SRR: variants seen among roughly 807,000 people sequenced by gnomAD.
SRR encodes serine racemase, also known as D-serine ammonia-lyase.
SRR carries 19 observed loss-of-function variants against 32.7 expected under a neutral mutation model. That is an observed-to-expected ratio of 0.58 (90% confidence interval 0.40 to 0.85). The LOEUF (loss-of-function observed/expected upper bound fraction) is 0.85, where lower values mean the gene tolerates loss of function less well. Among genes scored for constraint, SRR ranks in the 40% least tolerant of loss-of-function variants. The pLI is 0.00. For synonymous variants in SRR, 142 were observed against 140.9 expected (o/e 1.01, Z -0.06); for missense variants, 373 against 404.7 (o/e 0.92, Z 0.67).
intron 2 of SRR, 105 bp downstream of exon 2, chr17:2,315,833 C>A: frequency 9.1e-7 from 1 of 1,096,854 alleles, no homozygotes; most frequent in Non-Finnish European, 1.3e-6. Flanking sequence ...TAAATTAATG[C>A]CTTTATACAG....
In SRR at chr17:2,323,120, A is replaced by G. The variant is rs748930855; in HGVS notation, c.595-16A>G. On this transcript the variant is annotated splice_polypyrimidine_tract_variant and intron_variant, in intron 6 of 7. Coordinates refer to ENST00000344595, the MANE Select transcript of SRR (RefSeq NM_021947.3). ...TGTGGTTTGTTGTTAAGATGTCTTA[A>G]TATTCCTCTTCCCAGGCTCTGAAAC... The G allele has an allele frequency of 6.2e-7, 1 of 1,613,226 alleles. No individual in the cohort carries two copies. The highest frequency in any genetic ancestry group is 2.2e-5 in the East Asian group (1 of 44,886).
In SRR at chr17:2,317,891, G is replaced by A. The variant is rs761174722; in HGVS notation, c.190G>A (p.Val64Ile). ...SFKIRGALNAVRSLVPDALER... is the reference protein window; with the variant it reads ...SFKIRGALNAIRSLVPDALER... Reference sequence around the variant, plus strand: ...TCAGATTCGTGGTGCTCTCAATGCCGTCAGAAGCTTGGTTCCTGATGCTTT... The same window carrying A: ...TCAGATTCGTGGTGCTCTCAATGCCATCAGAAGCTTGGTTCCTGATGCTTT... Residue 64 changes from valine (V) to isoleucine (I), a missense_variant, in exon 3 of 8, where the codon GTC becomes ATC. Val to Ile is a conservative substitution (Grantham distance 29). Coordinates refer to ENST00000344595, the MANE Select transcript of SRR (RefSeq NM_021947.3). 1.2e-5 allele frequency: 20 copies of A among 1,613,606 alleles called. No homozygotes were observed. The highest frequency in any genetic ancestry group is 2.2e-5 in the South Asian group (2 of 91,060).
intron 1 of SRR, among the ~76,000 whole-genome samples, chr17:2,304,332 A>G (rs1319867458): frequency 4.0e-5 from 6 of 151,380 alleles, no homozygotes; most frequent in African/African-American, 7.3e-5. Context: ...GCTCACTGCA[A>G]CCTCTGCCTC....
rs148566181 is a variant in SRR at position 2,308,661 on chromosome 17, A to C, written c.-5+4644A>C. Among the ~76,000 whole-genome samples, 32 of 152,188 alleles carry C rather than the reference A, an allele frequency of 2.1e-4. No homozygotes were observed. In the East Asian group the frequency reaches 4.8e-3, roughly 23 times the overall value. On this transcript the variant is annotated intron_variant, in intron 1 of 7. Coordinates refer to ENST00000344595, the MANE Select transcript of SRR (RefSeq NM_021947.3). ...ATCACAAGGTCAAGAGATCAAGACT[A>C]TCCTGGCCAATTAGCTGGGCATGGT...
intron 1 of SRR, among the ~76,000 whole-genome samples, chr17:2,312,431 TAA>T (rs923448199): frequency 6.6e-6 from 1 of 151,898 alleles, no homozygotes; most frequent in African/African-American, 2.4e-5. Flanking sequence ...CTGTCTCTAC[TAA>T]AAATACAAAA....
In SRR at chr17:2,324,175, G is replaced by C; in HGVS notation, c.*302G>C. On this transcript the variant is annotated 3_prime_UTR_variant, in exon 8 of 8. Coordinates refer to ENST00000344595, the MANE Select transcript of SRR (RefSeq NM_021947.3). ...CTGGAGTACTGACTGGCACCGGTAA[G>C]ACAGAATCTCTTTGAATCCATTACT... The C allele has an allele frequency of 6.6e-7, 1 of 1,514,494 alleles. No individual in the cohort carries two copies. The allele number at this position is 1,514,494 out of a possible 1,614,324, so 93.8% of individuals were successfully genotyped here. A position where few individuals can be genotyped will look rare whatever the true frequency, so the allele number is the denominator to read the frequency against.
At position 2,323,333 on chromosome 17, in the gene SRR, G is replaced by A. The variant is rs1450459893; in HGVS notation, c.792G>A (p.Glu264=). ...DLVDDIFTVT[E]DEIKCATQLV... is the part of the protein sequence containing the mutation. The stretch of plus-strand genomic sequence containing the variant: ...TGGATGATATCTTCACTGTCACAGA[G>A]GATGAAATTAAGGTGAGGCTCCAGC... Residue 264 remains glutamate (E), a synonymous_variant, in exon 7 of 8, where the codon GAG becomes GAA. Transcript: ENST00000344595. 6.2e-7 allele frequency: 1 copy of A among 1,613,962 alleles called. No homozygotes were observed. The highest frequency in any genetic ancestry group is 8.5e-7 in the Non-Finnish European group (1 of 1,179,884).
chr17:2,307,450 A>C, intron 1 of SRR: 1 of 1,428,772 alleles, frequency 7.0e-7, no homozygotes, highest in Non-Finnish European at 9.7e-7. Context: ...CTTTGGTGGC[A>C]GCTGTGGTGG....
chr17:2,320,724 G>C (rs188407082), intron 4 of SRR, among the ~76,000 whole-genome samples: 2 of 152,126 alleles, frequency 1.3e-5, no homozygotes, highest in African/African-American at 4.8e-5. Context: ...ACCACATCTG[G>C]CTAATTTTTG....
chr17:2,303,673 G>A, upstream of SRR: 1 of 1,495,506 alleles, frequency 6.7e-7, no homozygotes, highest in East Asian at 2.9e-5. Flanking sequence ...CCAGGATCCC[G>A]CGCAGCTCCG....
Position 2,315,652 on chromosome 17 carries a change from G to A in SRR, c.92G>A (p.Ser31Asn), listed in dbSNP as rs1277224634. 1 of 1,614,036 alleles carries A rather than the reference G, an allele frequency of 6.2e-7. No homozygotes were observed. The highest frequency in any genetic ancestry group is 8.5e-7 in the Non-Finnish European group (1 of 1,180,008). ...ATCCACCTCACACCAGTGCTAACAA[G>A]CTCCATTTTGAATCAACTAACAGGG... ...DSIHLTPVLT[S>N]SILNQLTGRN... Residue 31 changes from serine to asparagine, a missense_variant, in exon 2 of 8, where the codon AGC becomes AAC. Coordinates refer to ENST00000344595, the MANE Select transcript of SRR (RefSeq NM_021947.3).
chr17:2,323,568 A>T, intron 7 of SRR, 87 bp from the exon 8 acceptor site: 1 of 1,404,832 alleles, frequency 7.1e-7, no homozygotes. Context: ...AGAAAATTCA[A>T]ACTGGACACG....
chr17:2,322,879 C>G (rs1454061776), intron 6 of SRR: 6 of 428,802 alleles, frequency 1.4e-5, no homozygotes, highest in South Asian at 8.7e-5. Context: ...ATTCTCCTAC[C>G]TCAGCCTCTT....
At chr17:2,316,768 AG>A (rs1429716799) in intron 2 of SRR, among the ~76,000 whole-genome samples, 1 of 152,022 alleles carries the variant, frequency 6.6e-6, no homozygotes, top group African/African-American at 2.4e-5. Flanking sequence ...GCTGGAGTGC[AG>A]TGGCACGATC....
chr17:2,312,945 A>C (rs920185061), intron 1 of SRR, among the ~76,000 whole-genome samples: 4 of 152,144 alleles, frequency 2.6e-5, no homozygotes, highest in Admixed American at 1.3e-4. Flanking sequence ...TTCTTTTTCA[A>C]GAGATAGGGT....
intron 1 of SRR, among the ~76,000 whole-genome samples, chr17:2,310,847 T>C (rs2151430176): frequency 6.6e-6 from 1 of 152,088 alleles, no homozygotes; most frequent in South Asian, 2.1e-4. Context: ...CCCGGGTTCA[T>C]GCCATTCTCC....
rs1214076179 is a variant in SRR at position 2,304,272 on chromosome 17, GTCTCGC to G, written c.-5+259_-5+264del. 2.0e-5 allele frequency among the ~76,000 whole-genome samples: 3 copies of G among 150,604 alleles called. No individual in the cohort carries two copies. The East Asian group carries it at 5.8e-4, about 29-fold the overall frequency. ...CTATTCCCTTTTTTTTTTAGTTGGA[GTCTCGC>G]TCTGTTGGAGACTCCCGGGCTGGAG... On this transcript the variant is annotated intron_variant, in intron 1 of 7. Coordinates refer to ENST00000344595, the MANE Select transcript of SRR (RefSeq NM_021947.3).
At chr17:2,314,010 A>T (rs2075452519) in intron 1 of SRR, among the ~76,000 whole-genome samples, 1 of 152,210 alleles carries the variant, frequency 6.6e-6, no homozygotes, top group East Asian at 1.9e-4. Context: ...AAAAATAGAG[A>T]AACTTCATAT....
chr17:2,312,711 A>G (rs1163609486), intron 1 of SRR, among the ~76,000 whole-genome samples: 1 of 152,260 alleles, frequency 6.6e-6, no homozygotes, highest in African/African-American at 2.4e-5. Context: ...TTGATGTAAT[A>G]TAGGACCCTT....
Sources: allele counts gnomAD v4.1 joint callset (sites outside exome capture counted in the v4.1 genomes callset), GRCh38; gene constraint gnomAD v4.1.1; transcripts MANE v1.5; gene names NCBI Gene and HGNC (gene_info 2026-07-23, HGNC 2026-07-21).